Variants in RANBP2 observed in about 807,000 individuals in gnomAD.
RANBP2 encodes E3 SUMO-protein ligase RanBP2.
RANBP2 carries 57 observed loss-of-function variants against 303.6 expected under a neutral mutation model. The observed-to-expected ratio is 0.19, with a 90% confidence interval of 0.15 to 0.23. The LOEUF (loss-of-function observed/expected upper bound fraction) is 0.23, where lower values mean the gene tolerates loss of function less well. Among genes scored for constraint, RANBP2 ranks in the 10% least tolerant of loss-of-function variants. The probability of loss-of-function intolerance (pLI) is 1.00; values close to 1 mark genes in which losing one functional copy is unlikely to be tolerated. For synonymous variants in RANBP2, 1,167 were observed against 1,301.5 expected, an observed-to-expected ratio of 0.90 and a Z score of 2.23; for missense variants, 3,138 against 3,780.8, an observed-to-expected ratio of 0.83 and a Z score of 4.46.
At chr2:109,214,448 T>TA in the RANBP2 span, among the ~76,000 whole-genome samples, 48 of 128,956 alleles carry the variant, frequency 3.7e-4, no homozygotes, top group South Asian at 3.2e-3. Context: ...CTTAAAGTAT[T>TA]AAAAAAAAAG....
the RANBP2 span, among the ~76,000 whole-genome samples, chr2:109,102,302 G>A: frequency 3.8e-4 from 58 of 151,780 alleles, no homozygotes; most frequent in Admixed American, 9.2e-4. Context: ...GGGTTTCACC[G>A]TGTTAGCCAG....
chr2:108,925,038 C>T, the RANBP2 span, among the ~76,000 whole-genome samples: 2 of 152,350 alleles, frequency 1.3e-5, no homozygotes, highest in African/African-American at 4.8e-5. Flanking sequence ...CCTCCTCCAC[C>T]TTTTCTCACT....
At chr2:109,533,504 G>A in the RANBP2 span, among the ~76,000 whole-genome samples, 1 of 152,204 alleles carries the variant, frequency 6.6e-6, no homozygotes, top group Non-Finnish European at 1.5e-5. Flanking sequence ...CATATTGACA[G>A]AACCACGGGC....
chr2:109,541,384 T>G, the RANBP2 span, among the ~76,000 whole-genome samples: 1 of 152,258 alleles, frequency 6.6e-6, no homozygotes, highest in African/African-American at 2.4e-5. Context: ...ATACATTCCT[T>G]TCTACATCAG....
At chr2:108,975,601 C>A in the RANBP2 span, among the ~76,000 whole-genome samples, 1 of 152,172 alleles carries the variant, frequency 6.6e-6, no homozygotes, top group Non-Finnish European at 1.5e-5. Context: ...AGGGCAGCAG[C>A]TTTGGGGAGG....
the RANBP2 span, chr2:109,130,072 C>T: frequency 7.3e-7 from 1 of 1,367,092 alleles, no homozygotes; most frequent in Non-Finnish European, 9.4e-7. Flanking sequence ...CGCCGGCAGT[C>T]TGCGGGAGCT....
At chr2:109,133,993 A>G in the RANBP2 span, among the ~76,000 whole-genome samples, 1 of 152,144 alleles carries the variant, frequency 6.6e-6, no homozygotes, top group South Asian at 2.1e-4. Context: ...AGGCCAGGAT[A>G]GAGGGTGTCT....
the RANBP2 span, among the ~76,000 whole-genome samples, chr2:109,223,703 G>A: frequency 3.9e-5 from 6 of 152,200 alleles, 1 homozygote; most frequent in Admixed American, 2.6e-4. Context: ...CTGCCCCAAC[G>A]TGGAGATCCG....
the RANBP2 span, among the ~76,000 whole-genome samples, chr2:109,507,974 C>T: frequency 4.6e-5 from 7 of 152,252 alleles, no homozygotes; most frequent in East Asian, 5.8e-4. Context: ...CACTAAGAAA[C>T]GCTGGTGTAG....
At chr2:108,740,990 T>TG (rs534314219) in intron 7 of RANBP2, among the ~76,000 whole-genome samples, 90 of 152,274 alleles carry the variant, frequency 5.9e-4, no homozygotes, top group Non-Finnish European at 1.0e-3. Context: ...TCTCGTATTA[T>TG]GGGTAAAGCT....
chr2:109,456,006 C>T, the RANBP2 span, among the ~76,000 whole-genome samples: 30 of 152,366 alleles, frequency 2.0e-4, no homozygotes, highest in East Asian at 5.6e-3. Context: ...ACCTGCCCTG[C>T]AGCCTGCTCA....
At chr2:108,846,221 A>C in the RANBP2 span, among the ~76,000 whole-genome samples, 108,601 of 152,038 alleles carry the variant, frequency 0.71, 41,818 homozygotes, top group East Asian at 0.9. Flanking sequence ...CTGTGTCAGA[A>C]ATATAGCATG....
At chr2:108,779,143 A>G in intron 25 of RANBP2, among the ~76,000 whole-genome samples, 1 of 151,634 alleles carries the variant, frequency 6.6e-6, no homozygotes, top group East Asian at 1.9e-4. Flanking sequence ...TTCCTTTGCA[A>G]TATGTCCTTA....
chr2:109,688,784 A>G, the RANBP2 span, among the ~76,000 whole-genome samples: 1 of 148,086 alleles, frequency 6.8e-6, no homozygotes, highest in Non-Finnish European at 1.5e-5. Flanking sequence ...GTCTCAATAA[A>G]AAAAAAAAAA....
the RANBP2 span, among the ~76,000 whole-genome samples, chr2:109,109,404 C>T: frequency 1.3e-5 from 2 of 152,154 alleles, no homozygotes; most frequent in Admixed American, 1.3e-4. Context: ...GGAGTTCTAG[C>T]TGTGAATTTC....
chr2:109,200,351 G>T, the RANBP2 span, among the ~76,000 whole-genome samples: 1 of 152,076 alleles, frequency 6.6e-6, no homozygotes, highest in Non-Finnish European at 1.5e-5. Context: ...CTTTCCATAG[G>T]CTCCTTCGTG....
the RANBP2 span, among the ~76,000 whole-genome samples, chr2:109,408,932 G>A: frequency 6.6e-6 from 1 of 152,196 alleles, no homozygotes; most frequent in Non-Finnish European, 1.5e-5. Flanking sequence ...CATGAGCGGA[G>A]GCCATCCACG....
At chr2:109,060,032 C>T in the RANBP2 span, among the ~76,000 whole-genome samples, 1 of 152,168 alleles carries the variant, frequency 6.6e-6, no homozygotes, top group African/African-American at 2.4e-5. Flanking sequence ...TCACAAGAAC[C>T]TGACTTCCAA....
chr2:109,119,847 C>T, the RANBP2 span, among the ~76,000 whole-genome samples: 1 of 152,146 alleles, frequency 6.6e-6, no homozygotes, highest in Non-Finnish European at 1.5e-5. Context: ...CAAGGAGATA[C>T]CTCATCAGAG....
Sources: gnomAD v4.1 joint callset for allele counts (sites outside exome capture counted in the v4.1 genomes callset) on GRCh38, gnomAD v4.1.1 for gene constraint, MANE v1.5 for transcripts, NCBI Gene and HGNC (gene_info 2026-07-23, HGNC 2026-07-21) for gene names.